The following CTDSPL variants were observed in gnomAD, a reference collection of about 807,000 sequenced individuals.
The protein encoded by CTDSPL is CTD small phosphatase like, also known as CTD small phosphatase-like protein.
CTDSPL carries 8 observed loss-of-function variants against 30.5 expected under a neutral mutation model. That is an observed-to-expected ratio of 0.26 (90% CI 0.15 to 0.47). CTDSPL has a LOEUF of 0.47. CTDSPL is among the 20% of genes least tolerant of loss of function. The pLI is 0.99. For synonymous variants in CTDSPL, 110 were observed against 137.9 expected (o/e 0.80, Z 1.42); for missense variants, 248 against 366.1 (o/e 0.68, Z 2.63).
intron 1 of CTDSPL, among the ~76,000 whole-genome samples, chr3:37,943,818 G>A (rs1204185675): frequency 1.3e-5 from 2 of 150,312 alleles, no homozygotes; most frequent in Non-Finnish European, 3.0e-5. Context: ...GATGAGCGGT[G>A]GAGCTGGATG....
intron 1 of CTDSPL, among the ~76,000 whole-genome samples, chr3:37,882,343 G>A (rs1423828281): frequency 1.3e-5 from 2 of 151,626 alleles, no homozygotes; most frequent in South Asian, 2.1e-4. Context: ...TCGGGAGGCT[G>A]AGGCAGGAGA....
chr3:37,879,736 T>C (rs1698180312), intron 1 of CTDSPL, among the ~76,000 whole-genome samples: 1 of 152,194 alleles, frequency 6.6e-6, no homozygotes, highest in African/African-American at 2.4e-5. Flanking sequence ...TGGGCTTGGA[T>C]TTGAATCCCA....
intron 7 of CTDSPL, among the ~76,000 whole-genome samples, chr3:37,979,685 G>T (rs1300222823): frequency 6.6e-6 from 1 of 152,204 alleles, no homozygotes; most frequent in Non-Finnish European, 1.5e-5. Flanking sequence ...GATCACTTGA[G>T]CCCAGGAGGT....
chr3:37,926,311 TA>T (rs1292682421), intron 1 of CTDSPL, among the ~76,000 whole-genome samples: 2 of 152,202 alleles, frequency 1.3e-5, no homozygotes, highest in Non-Finnish European at 2.9e-5. Context: ...GGGCAACAGC[TA>T]AGGTAGATGG....
chr3:37,893,230 C>T (rs1237413033), intron 1 of CTDSPL, among the ~76,000 whole-genome samples: 1 of 152,172 alleles, frequency 6.6e-6, no homozygotes, highest in East Asian at 1.9e-4. Flanking sequence ...GTTTGGCAAT[C>T]AGCTTGGGAT....
intron 1 of CTDSPL, among the ~76,000 whole-genome samples, chr3:37,919,765 T>TG (rs888472682): frequency 9.9e-5 from 15 of 152,172 alleles, no homozygotes; most frequent in African/African-American, 3.6e-4. Flanking sequence ...CATCTGTTCC[T>TG]GGGGCCTCTC....
At chr3:37,903,726 A>C (rs1207946632) in intron 1 of CTDSPL, among the ~76,000 whole-genome samples, 1 of 152,196 alleles carries the variant, frequency 6.6e-6, no homozygotes. Context: ...TCATAGTAAC[A>C]GGCACAAGCT....
intron 7 of CTDSPL, among the ~76,000 whole-genome samples, chr3:37,979,088 TA>T (rs140104068): frequency 0.011 from 1,653 of 152,302 alleles, 36 homozygotes; most frequent in African/African-American, 0.036. Context: ...GGTACTAAAT[TA>T]TGGCTAATAA....
At chr3:37,868,228 C>G (rs1459290389) in intron 1 of CTDSPL, among the ~76,000 whole-genome samples, 2 of 151,994 alleles carry the variant, frequency 1.3e-5, no homozygotes, top group African/African-American at 4.8e-5. Context: ...CTTTGATGAG[C>G]TGTCCCTTCA....
At chr3:37,966,458 G>A (rs1413599484) in intron 4 of CTDSPL, among the ~76,000 whole-genome samples, 1 of 152,204 alleles carries the variant, frequency 6.6e-6, no homozygotes, top group Non-Finnish European at 1.5e-5. Context: ...TAAGGGTGGT[G>A]CTTGCTGTAA....
At chr3:37,923,956 T>C (rs1303310388) in intron 1 of CTDSPL, among the ~76,000 whole-genome samples, 1 of 152,236 alleles carries the variant, frequency 6.6e-6, no homozygotes, top group East Asian at 1.9e-4. Flanking sequence ...TCTGTGAGTA[T>C]GCATGAGAGC....
chr3:37,916,568 A>C (rs906450594), intron 1 of CTDSPL, among the ~76,000 whole-genome samples: 1 of 152,202 alleles, frequency 6.6e-6, no homozygotes, highest in African/African-American at 2.4e-5. Context: ...TGATAGAGGC[A>C]GAGATTAGAG....
At chr3:37,933,942 T>A (rs1237158779) in intron 1 of CTDSPL, among the ~76,000 whole-genome samples, 1 of 152,210 alleles carries the variant, frequency 6.6e-6, no homozygotes, top group African/African-American at 2.4e-5. Context: ...GCATTTGCTG[T>A]GATGTATATT....
At chr3:37,978,169 T>C (rs1386743365) in intron 7 of CTDSPL, among the ~76,000 whole-genome samples, 1 of 152,220 alleles carries the variant, frequency 6.6e-6, no homozygotes, top group Non-Finnish European at 1.5e-5. Context: ...AATGAGTTGG[T>C]GTTCTAGCGG....
chr3:37,931,029 C>G (rs1345815684), intron 1 of CTDSPL, among the ~76,000 whole-genome samples: 3 of 151,778 alleles, frequency 2.0e-5, no homozygotes, highest in African/African-American at 7.3e-5. Context: ...CATGGAATAT[C>G]TTTTTCCATC....
chr3:37,888,174 A>G (rs905990272), intron 1 of CTDSPL, among the ~76,000 whole-genome samples: 1 of 152,238 alleles, frequency 6.6e-6, no homozygotes, highest in Non-Finnish European at 1.5e-5. Flanking sequence ...CAGGAAAAAC[A>G]TCTCCTGACA....
chr3:37,872,146 G>C (rs1422972480), intron 1 of CTDSPL, among the ~76,000 whole-genome samples: 2 of 151,998 alleles, frequency 1.3e-5, no homozygotes, highest in African/African-American at 2.4e-5. Flanking sequence ...CACATGTTTT[G>C]TTTTGCCTGG....
chr3:37,864,653 C>G (rs957970145), intron 1 of CTDSPL, among the ~76,000 whole-genome samples: 2 of 152,026 alleles, frequency 1.3e-5, no homozygotes, highest in Admixed American at 1.3e-4. Flanking sequence ...GATTTATAAA[C>G]CAGTAAACCG....
chr3:37,878,697 A>G (rs1008381490), intron 1 of CTDSPL, among the ~76,000 whole-genome samples: 14 of 152,318 alleles, frequency 9.2e-5, no homozygotes, highest in Non-Finnish European at 1.8e-4. Flanking sequence ...GGGACTCTGA[A>G]AGGCAAGATG....
Sources: gnomAD v4.1 joint callset for allele counts (sites outside exome capture counted in the v4.1 genomes callset) on GRCh38, gnomAD v4.1.1 for gene constraint, MANE v1.5 for transcripts, NCBI Gene and HGNC (gene_info 2026-07-23, HGNC 2026-07-21) for gene names.